The following FBXO34 variants were observed in gnomAD, a reference collection of about 807,000 sequenced individuals.
FBXO34 encodes F-box only protein 34.
FBXO34 carries 12 observed loss-of-function variants against 24.5 expected under a neutral mutation model. That is an observed-to-expected ratio of 0.49 (90% CI 0.31 to 0.79). FBXO34 has a LOEUF of 0.79. Ranked by LOEUF, FBXO34 falls within the 30% of genes least tolerant of loss-of-function variation. The pLI, the probability that FBXO34 is intolerant of heterozygous loss-of-function variation, is 0.04. For missense variants in FBXO34, 823 were observed against 857.7 expected (o/e 0.96, Z 0.51); for synonymous variants, 320 against 311.9 (o/e 1.03, Z -0.27).
the FBXO34 span, chr14:55,411,735 C>A: frequency 6.2e-7 from 1 of 1,611,316 alleles, no homozygotes; most frequent in Non-Finnish European, 8.5e-7. Context: ...GCATCGTCCA[C>A]GGAGTCCACC....
chr14:55,307,346 C>T (rs572755486), intron 1 of FBXO34, among the ~76,000 whole-genome samples: 2 of 152,306 alleles, frequency 1.3e-5, no homozygotes, highest in South Asian at 4.1e-4. Flanking sequence ...CAACTTTAAG[C>T]GGACCTCTTT....
chr14:55,277,810 T>A (rs1881394272), intron 1 of FBXO34, among the ~76,000 whole-genome samples: 1 of 152,274 alleles, frequency 6.6e-6, no homozygotes, highest in Non-Finnish European at 1.5e-5. Context: ...GTTGGGTTTC[T>A]GACTACTAGG....
the FBXO34 span, among the ~76,000 whole-genome samples, chr14:55,425,502 A>G: frequency 6.6e-6 from 1 of 152,232 alleles, no homozygotes; most frequent in Non-Finnish European, 1.5e-5. Context: ...TACCAGTATA[A>G]TGTGCTCCCA....
At chr14:55,412,068 C>T in the FBXO34 span, among the ~76,000 whole-genome samples, 1 of 152,228 alleles carries the variant, frequency 6.6e-6, no homozygotes, top group Non-Finnish European at 1.5e-5. Context: ...TCTGCTGGCT[C>T]AGGCCAAGAC....
At chr14:55,424,083 A>G in the FBXO34 span, 2 of 986,952 alleles carry the variant, frequency 2.0e-6, no homozygotes, top group East Asian at 4.8e-5. Context: ...TGGTGAACAA[A>G]GGTATTTAAA....
the FBXO34 span, among the ~76,000 whole-genome samples, chr14:55,415,845 G>A: frequency 6.6e-5 from 10 of 152,198 alleles, no homozygotes; most frequent in African/African-American, 1.4e-4. Flanking sequence ...CAGCCTGGGC[G>A]ACACAGCGAG....
At chr14:55,387,165 AGTGGTTCT>A in the FBXO34 span, among the ~76,000 whole-genome samples, 1 of 152,134 alleles carries the variant, frequency 6.6e-6, no homozygotes, top group African/African-American at 2.4e-5. Context: ...GTCAATGCTC[AGTGGTTCT>A]CCACTGCCCA....
chr14:55,396,558 C>G, the FBXO34 span, among the ~76,000 whole-genome samples: 1 of 152,152 alleles, frequency 6.6e-6, no homozygotes, highest in Non-Finnish European at 1.5e-5. Context: ...GTGGCCTGAG[C>G]ATTAACTGTT....
chr14:55,429,000 G>C, the FBXO34 span: 212 of 1,612,750 alleles, frequency 1.3e-4, 1 homozygote, highest in South Asian at 2.2e-3. Flanking sequence ...TATGTTTAAA[G>C]ATGTCTTAAT....
At chr14:55,329,467 G>C (rs542171596) in intron 1 of FBXO34, among the ~76,000 whole-genome samples, 1 of 152,300 alleles carries the variant, frequency 6.6e-6, no homozygotes, top group South Asian at 2.1e-4. Context: ...TTCACCTGAA[G>C]AAAGTGTGTA....
chr14:55,382,214 G>T, the FBXO34 span: 1 of 1,608,610 alleles, frequency 6.2e-7, no homozygotes, highest in Non-Finnish European at 8.5e-7. Flanking sequence ...AGACACACAC[G>T]GATTTTCAAG....
chr14:55,359,271 GAAGGAAACCTAT>G (rs1352654428), intron 3 of FBXO34, among the ~76,000 whole-genome samples: 5 of 152,198 alleles, frequency 3.3e-5, no homozygotes, highest in African/African-American at 9.6e-5. Flanking sequence ...GCCTGTGGAA[GAAGGAAACCTAT>G]TTCCTAAAAC....
At chr14:55,336,351 C>A (rs933269255) in intron 1 of FBXO34, among the ~76,000 whole-genome samples, 3 of 152,194 alleles carry the variant, frequency 2.0e-5, no homozygotes, top group African/African-American at 7.2e-5. Context: ...CAGGAAGGAG[C>A]AACTGCATCA....
intron 1 of FBXO34, among the ~76,000 whole-genome samples, chr14:55,329,655 T>C (rs2140043430): frequency 6.6e-6 from 1 of 152,330 alleles, no homozygotes; most frequent in African/African-American, 2.4e-5. Flanking sequence ...GATTAAAATA[T>C]CTGTGGACCT....
intron 1 of FBXO34, among the ~76,000 whole-genome samples, chr14:55,327,634 C>T (rs1010795978): frequency 6.6e-5 from 10 of 151,980 alleles, no homozygotes; most frequent in Non-Finnish European, 1.3e-4. Flanking sequence ...GAGAGTAGTA[C>T]TGGAAAGTGC....
At chr14:55,328,960 A>G (rs572936986) in intron 1 of FBXO34, among the ~76,000 whole-genome samples, 3 of 152,018 alleles carry the variant, frequency 2.0e-5, no homozygotes, top group East Asian at 3.9e-4. Context: ...TGTACCTAGT[A>G]TTCTTCACAG....
chr14:55,433,319 T>C, the FBXO34 span, among the ~76,000 whole-genome samples: 1 of 148,360 alleles, frequency 6.7e-6, no homozygotes, highest in Non-Finnish European at 1.5e-5. Flanking sequence ...CTTTTTTTTT[T>C]TTTTTTTTTT....
the FBXO34 span, among the ~76,000 whole-genome samples, chr14:55,424,927 T>G: frequency 6.6e-6 from 1 of 152,120 alleles, no homozygotes; most frequent in Non-Finnish European, 1.5e-5. Flanking sequence ...TTGAGGAACC[T>G]ACCAAAAAGA....
At chr14:55,423,087 T>C in the FBXO34 span, among the ~76,000 whole-genome samples, 6 of 152,134 alleles carry the variant, frequency 3.9e-5, no homozygotes, top group Non-Finnish European at 8.8e-5. Context: ...GACAAAAGGA[T>C]AAGTTATGTC....
Sources: gnomAD v4.1 joint callset for allele counts (sites outside exome capture counted in the v4.1 genomes callset) on GRCh38, gnomAD v4.1.1 for gene constraint, MANE v1.5 for transcripts, NCBI Gene and HGNC (gene_info 2026-07-23, HGNC 2026-07-21) for gene names.